TBCD: variants seen among roughly 807,000 people sequenced by gnomAD.
TBCD encodes tubulin-specific chaperone D.
A neutral mutation model predicts 169.3 loss-of-function variants in TBCD; 105 were observed. The ratio of observed to expected loss-of-function variants is 0.62; its 90% CI spans 0.53 to 0.73. TBCD has a LOEUF of 0.73. TBCD is among the 30% of genes least tolerant of loss of function. TBCD has a pLI of 0.00. For synonymous variants in TBCD, 700 were observed against 643.9 expected (o/e 1.09, Z -1.32); for missense variants, 1,444 against 1,600.1 (o/e 0.90, Z 1.66).
chr17:82,935,865 C>T (rs1402032825), intron 34 of TBCD, among the ~76,000 whole-genome samples: 1 of 152,240 alleles, frequency 6.6e-6, no homozygotes, highest in Non-Finnish European at 1.5e-5. Context: ...GTTCACATTC[C>T]CTCTCCCTAG....
At chr17:82,871,842 C>T (rs1011431123) in intron 14 of TBCD, among the ~76,000 whole-genome samples, 6 of 152,362 alleles carry the variant, frequency 3.9e-5, no homozygotes, top group Admixed American at 2.6e-4. Context: ...GTCCTGGGTG[C>T]GCCTCCACTG....
intron 23 of TBCD, among the ~76,000 whole-genome samples, chr17:82,912,021 G>T (rs541498135): frequency 1.1e-4 from 16 of 152,310 alleles, no homozygotes; most frequent in African/African-American, 3.6e-4. Context: ...GAGCTGGGAG[G>T]GGTTGCACCC....
chr17:82,795,253 TG>T (rs1432883663), intron 7 of TBCD, among the ~76,000 whole-genome samples: 6 of 152,272 alleles, frequency 3.9e-5, no homozygotes, highest in Admixed American at 3.3e-4. Flanking sequence ...CAAGTAAGAC[TG>T]GGGGACACGT....
chr17:82,825,374 G>A (rs762547917), intron 13 of TBCD, among the ~76,000 whole-genome samples: 46 of 152,084 alleles, frequency 3.0e-4, no homozygotes, highest in Non-Finnish European at 4.9e-4. Context: ...GTCTTGTCAC[G>A]GCTCCCTGCA....
At chr17:82,862,549 C>T (rs1297160422) in intron 13 of TBCD, among the ~76,000 whole-genome samples, 1 of 152,042 alleles carries the variant, frequency 6.6e-6, no homozygotes, top group Non-Finnish European at 1.5e-5. Flanking sequence ...TATAATCTCT[C>T]AGTCTTAGAG....
chr17:82,828,693 C>A (rs1194391906), intron 13 of TBCD, among the ~76,000 whole-genome samples: 3 of 151,220 alleles, frequency 2.0e-5, no homozygotes, highest in Non-Finnish European at 4.4e-5. Context: ...CGAGTGTGCA[C>A]ACACCCATAC....
chr17:82,911,288 C>G (rs1294584197), intron 22 of TBCD, among the ~76,000 whole-genome samples: 1 of 152,242 alleles, frequency 6.6e-6, no homozygotes. Context: ...CAGGGCAGCG[C>G]GCCTGCCCTT....
rs1283002765 is a variant in TBCD at position 82,884,422 on chromosome 17, C to T, written c.1533+220C>T. Among the ~76,000 whole-genome samples, 2 of 152,210 alleles carry T rather than the reference C, an allele frequency of 1.3e-5. No homozygotes were observed. The highest frequency in any genetic ancestry group is 4.8e-5 in the African/African-American group (2 of 41,454). ...CGGTCAGGGTTAAGCATCCCCAGAG[C>T]TGCAGCCATCACTGCTGGGGGTTGA... On this transcript the variant is annotated intron_variant, in intron 15 of 38. Coordinates refer to ENST00000355528, the MANE Select transcript of TBCD (RefSeq NM_005993.5). This position sits in a 1 kb window ranked among gnomAD's most constrained non-coding sequence, Gnocchi z 4.2.
intron 13 of TBCD, among the ~76,000 whole-genome samples, chr17:82,849,679 T>C (rs2055489024): frequency 6.6e-6 from 1 of 152,248 alleles, no homozygotes; most frequent in African/African-American, 2.4e-5. Flanking sequence ...ACTGCCATTG[T>C]CCAGAGAGAC....
chr17:82,809,613 G>A (rs1210942523), intron 11 of TBCD, 95 bp from the exon 12 acceptor site: 1 of 1,332,734 alleles, frequency 7.5e-7, no homozygotes, highest in Non-Finnish European at 1.0e-6. Flanking sequence ...GTCTCTGGAG[G>A]AAAGGATGGG....
intron 4 of TBCD, among the ~76,000 whole-genome samples, chr17:82,767,742 G>T (rs1156574490): frequency 6.6e-6 from 1 of 152,144 alleles, no homozygotes; most frequent in Non-Finnish European, 1.5e-5. Flanking sequence ...GGATCACGAG[G>T]TCAGGAGATC....
Position 82,920,931 on chromosome 17 carries a change from C to A in TBCD, c.2101+313C>A. 1 of 384,420 alleles carries A rather than the reference C, an allele frequency of 2.6e-6. No homozygotes were observed. The highest frequency in any genetic ancestry group is 5.9e-5 in the East Asian group (1 of 17,000). 23.8% of individuals were successfully genotyped at this position (384,420 alleles called of 1,614,324 possible). A position where few individuals can be genotyped will look rare whatever the true frequency, so the allele number is the denominator to read the frequency against. On this transcript the variant is annotated intron_variant, in intron 24 of 38. Transcript: ENST00000355528. The surrounding 1 kb of genome is among the most constrained non-coding windows in gnomAD (Gnocchi z 4.1). ...GCAGACAGTCGGGAGCTGCAGCCAC[C>A]CAGGCCCTCGTGGACCAGGAGCGTG...
chr17:82,903,063 G>T lies in TBCD; in HGVS notation c.1731-342G>T, dbSNP rs947151546. ...TTCCTTCTGTTCACCCCTTGTAATC[G>T]TGGAGGGGTGGTTTCACGTGGCTCT... On this transcript the variant is annotated intron_variant, in intron 18 of 38. Coordinates refer to ENST00000355528, the MANE Select transcript of TBCD (RefSeq NM_005993.5). This position sits in a 1 kb window ranked among gnomAD's most constrained non-coding sequence, Gnocchi z 4.8. Among the ~76,000 whole-genome samples, 2 of 152,164 alleles carry T rather than the reference G, an allele frequency of 1.3e-5. No homozygotes were observed. Among genetic ancestry groups the T allele is most frequent in the African/African-American group, 4.8e-5 (2 of 41,432 alleles).
intron 13 of TBCD, chr17:82,859,945 C>T (rs1402735780): frequency 3.1e-6 from 3 of 960,946 alleles, no homozygotes; most frequent in Non-Finnish European, 3.7e-6. Context: ...AGCCGTCTGG[C>T]CTGGGCCTCG....
At position 82,943,484 on chromosome 17, in the gene TBCD, G is replaced by A. The variant is rs1298194716; in HGVS notation, c.*1021G>A. 2 of 152,316 alleles carry A rather than the reference G, an allele frequency of 1.3e-5. No individual in the cohort carries two copies. Among genetic ancestry groups the A allele is most frequent in the East Asian group, 3.8e-4 (2 of 5,198 alleles). The allele number at this position is 152,316 out of a possible 1,614,324, so 9.4% of individuals were successfully genotyped here. On this transcript the variant is annotated 3_prime_UTR_variant, in exon 39 of 39. Transcript: ENST00000355528. ...CCCTTTCCCTATGTGAGGAGCCCAG[G>A]GGTGCCATGTGCGTGGTGTAGATTA...
At chr17:82,797,671 G>A (rs2050196222) in intron 7 of TBCD, 86 bp from the exon 8 acceptor site, 4 of 1,001,332 alleles carry the variant, frequency 4.0e-6, no homozygotes, top group African/African-American at 1.7e-5. Context: ...TCTGAAAGAT[G>A]TGATGAATTG....
At chr17:82,812,700 C>T (rs963279717) in intron 12 of TBCD, among the ~76,000 whole-genome samples, 5 of 152,212 alleles carry the variant, frequency 3.3e-5, no homozygotes, top group African/African-American at 7.2e-5. Flanking sequence ...TGCACCACCA[C>T]GCTTGGCTAA....
chr17:82,799,683 A>T (rs994960080), intron 8 of TBCD, among the ~76,000 whole-genome samples: 5 of 152,100 alleles, frequency 3.3e-5, no homozygotes, highest in Admixed American at 6.5e-5. Flanking sequence ...ATGTCTCTGG[A>T]AGGTGGGGCT....
chr17:82,758,763 G>A (rs1469375842), intron 2 of TBCD, among the ~76,000 whole-genome samples: 4 of 148,702 alleles, frequency 2.7e-5, no homozygotes, highest in Non-Finnish European at 3.0e-5. Flanking sequence ...GGGTTCAAGC[G>A]ATTCTCCTGC....
Sources: gnomAD v4.1 joint callset for allele counts (sites outside exome capture counted in the v4.1 genomes callset) on GRCh38, gnomAD v4.1.1 for gene constraint, Gnocchi (gnomAD v3.1) non-coding constraint, MANE v1.5 for transcripts, NCBI Gene and HGNC (gene_info 2026-07-23, HGNC 2026-07-21) for gene names.